The following DMD variants were observed in gnomAD, a reference collection of about 807,000 sequenced individuals.
The protein encoded by DMD is dystrophin.
Under a neutral mutation model 330.1 loss-of-function variants are expected in DMD, and 63 were observed. The ratio of observed to expected loss-of-function variants is 0.19; its 90% CI spans 0.16 to 0.24. The LOEUF is 0.24. Among genes scored for constraint, DMD ranks in the 10% least tolerant of loss-of-function variants. The pLI is 1.00. For missense variants in DMD, 3,344 were observed against 2,684.1 expected (o/e 1.25, Z -5.43); for synonymous variants, 1,223 against 959.8 (o/e 1.27, Z -5.07).
At position 32,699,241 on chromosome X, in the gene DMD, T is replaced by G. The variant is rs1350188088; in HGVS notation, c.702A>C (p.Ser234=). 2 of 1,209,578 alleles carry G rather than the reference T, an allele frequency of 1.7e-6. No individual in the cohort carries two copies. Among genetic ancestry groups the G allele is most frequent in the East Asian group, 5.9e-5 (2 of 33,778 alleles). Residue 234 remains serine, a synonymous_variant, in exon 8 of 79, where the codon TCA becomes TCC. Transcript: ENST00000357033. ...DKKSILMYIT[S]LFQVLPQQVS... ...CTTGTTGAGGCAAAACTTGGAAGAG[T>G]GATGTGATGTACATTAAGATGGACT...
intron 54 of DMD, among the ~76,000 whole-genome samples, chrX:31,647,195 T>C (rs1480600463): frequency 8.9e-6 from 1 of 111,964 alleles, no homozygotes; most frequent in African/African-American, 3.2e-5. Flanking sequence ...GATGAAAATA[T>C]TGAAAAGGAC....
intron 44 of DMD, among the ~76,000 whole-genome samples, chrX:32,128,568 T>C: frequency 8.9e-6 from 1 of 112,020 alleles, no homozygotes; most frequent in Middle Eastern, 4.6e-3. Context: ...TGGTGACTTT[T>C]TCAAAATAAC....
At chrX:31,721,722 A>C (rs58391241) in intron 52 of DMD, among the ~76,000 whole-genome samples, 7,156 of 57,300 alleles carry the variant, frequency 0.12, 384 homozygotes, top group Non-Finnish European at 0.17. Context: ...CTCTCTCTAT[A>C]TATATATATA....
At chrX:31,289,658 G>T (rs1409539550) in intron 62 of DMD, among the ~76,000 whole-genome samples, 1 of 109,387 alleles carries the variant, frequency 9.1e-6, no homozygotes, top group Non-Finnish European at 1.9e-5. Context: ...GATACTGGGG[G>T]AAAAAAAATC....
chrX:32,967,986 A>G (rs957502946), intron 2 of DMD, among the ~76,000 whole-genome samples: 2 of 111,818 alleles, frequency 1.8e-5, no homozygotes, highest in African/African-American at 6.5e-5. Context: ...TTTCAGTATT[A>G]TACTTATCTA....
chrX:31,965,525 T>C (rs1057428026), intron 45 of DMD, among the ~76,000 whole-genome samples: 6 of 111,819 alleles, frequency 5.4e-5, no homozygotes, highest in Non-Finnish European at 1.1e-4. Context: ...ACTTTCAAAA[T>C]GAAAAGGAAT....
chrX:31,543,136 G>GTT lies in DMD; in HGVS notation c.8218-35685_8218-35684dup, dbSNP rs113087179. 1.9e-3 allele frequency among the ~76,000 whole-genome samples: 199 copies of GTT among 104,565 alleles called. 1 individual carries two copies. Among genetic ancestry groups the GTT allele is most frequent in the African/African-American group, 6.5e-3 (185 of 28,668 alleles). The allele number at this position is 104,565 out of a possible 115,157, so 90.8% of individuals were successfully genotyped here. ...GCAGATGGAAGACCCTTGCTGGCCT[G>GTT]TTTTTTTTTTAATTTATTTTTTATT... On this transcript the variant is annotated intron_variant, in intron 55 of 78. Transcript: ENST00000357033.
At chrX:31,565,606 T>C (rs1569551757) in intron 55 of DMD, among the ~76,000 whole-genome samples, 1 of 111,953 alleles carries the variant, frequency 8.9e-6, no homozygotes, top group African/African-American at 3.2e-5. Flanking sequence ...TATGAATATT[T>C]TTGTACAGGT....
chrX:31,682,370 T>A (rs890756908), intron 52 of DMD, among the ~76,000 whole-genome samples: 1 of 111,555 alleles, frequency 9.0e-6, no homozygotes, highest in African/African-American at 3.3e-5. Context: ...TGAACGCCAT[T>A]GTTTTGTGTG....
intron 43 of DMD, among the ~76,000 whole-genome samples, chrX:32,237,516 T>G (rs977506812): frequency 3.6e-5 from 4 of 111,160 alleles, no homozygotes; most frequent in Admixed American, 9.7e-5. Context: ...TTCTCTGTTT[T>G]CCGGATCCTA....
At chrX:31,896,685 T>C (rs1374074966) in intron 47 of DMD, among the ~76,000 whole-genome samples, 1 of 111,670 alleles carries the variant, frequency 9.0e-6, no homozygotes, top group Non-Finnish European at 1.9e-5. Context: ...AACCATTTCA[T>C]TCAGTATCCT....
chrX:32,476,852 T>G (rs1036396683), intron 21 of DMD, among the ~76,000 whole-genome samples: 3 of 111,637 alleles, frequency 2.7e-5, no homozygotes, highest in Non-Finnish European at 5.7e-5. Flanking sequence ...CAGCTCCATC[T>G]ACGGAAACTC....
intron 4 of DMD, among the ~76,000 whole-genome samples, chrX:32,826,658 G>A (rs2078716442): frequency 9.0e-6 from 1 of 111,490 alleles, no homozygotes; most frequent in Non-Finnish European, 1.9e-5. Context: ...TGAGCTCATA[G>A]AATTGAGAGT....
chrX:32,301,038 T>G (rs2148534797), intron 42 of DMD, among the ~76,000 whole-genome samples: 1 of 110,170 alleles, frequency 9.1e-6, no homozygotes, highest in South Asian at 3.8e-4. Flanking sequence ...CAAAAATTAA[T>G]ATTGATGACA....
At chrX:32,569,829 C>G (rs808570) in intron 15 of DMD, among the ~76,000 whole-genome samples, 1 of 109,322 alleles carries the variant, frequency 9.1e-6, no homozygotes, top group Non-Finnish European at 1.9e-5. Context: ...CCCCAGCAAA[C>G]GCCAACAGTC....
At chrX:31,522,353 C>A (rs867617144) in intron 55 of DMD, among the ~76,000 whole-genome samples, 29 of 62,789 alleles carry the variant, frequency 4.6e-4, no homozygotes, top group South Asian at 2.5e-3. Flanking sequence ...CTCTCTCTCT[C>A]TCTCTCTCTC....
At chrX:33,224,509 C>G (rs2052248067) in intron 1 of DMD, among the ~76,000 whole-genome samples, 1 of 111,548 alleles carries the variant, frequency 9.0e-6, no homozygotes, top group African/African-American at 3.3e-5. Flanking sequence ...TATATGACAT[C>G]CAGGAAAGGT....
At chrX:32,503,818 G>A (rs1269278823) in intron 18 of DMD, among the ~76,000 whole-genome samples, 2 of 111,581 alleles carry the variant, frequency 1.8e-5, no homozygotes, top group African/African-American at 3.3e-5. Flanking sequence ...TGCTGGGGTG[G>A]GGCGGGGGGA....
chrX:33,225,741 G>T (rs2052274321), intron 1 of DMD, among the ~76,000 whole-genome samples: 1 of 110,948 alleles, frequency 9.0e-6, no homozygotes, highest in Admixed American at 9.6e-5. Context: ...TTAAAATTTT[G>T]CTCTGAGAAA....
Sources: allele counts gnomAD v4.1 joint callset (sites outside exome capture counted in the v4.1 genomes callset), GRCh38; gene constraint gnomAD v4.1.1; transcripts MANE v1.5; gene names NCBI Gene and HGNC (gene_info 2026-07-23, HGNC 2026-07-21).